NXPH2: variants seen among roughly 807,000 people sequenced by gnomAD.
The protein encoded by NXPH2 is neurexophilin 2.
Under a neutral mutation model 19.8 loss-of-function variants are expected in NXPH2, and 5 were observed. That is an observed-to-expected ratio of 0.25 (90% confidence interval 0.13 to 0.53). The LOEUF (loss-of-function observed/expected upper bound fraction) is 0.53, where lower values mean the gene tolerates loss of function less well. Ranked by LOEUF, NXPH2 falls within the 20% of genes least tolerant of loss-of-function variation. The pLI, the probability that NXPH2 is intolerant of heterozygous loss-of-function variation, is 0.96. For synonymous variants in NXPH2, 154 were observed against 127.4 expected, an observed-to-expected ratio of 1.21 and a Z score of -1.41; for missense variants, 289 against 322.8, an observed-to-expected ratio of 0.90 and a Z score of 0.80.
At chr2:138,747,954 G>T (rs972906845) in intron 1 of NXPH2, among the ~76,000 whole-genome samples, 1 of 152,132 alleles carries the variant, frequency 6.6e-6, no homozygotes, top group African/African-American at 2.4e-5. Flanking sequence ...GGCTGTCTTT[G>T]CTCTGATCAC....
intron 1 of NXPH2, among the ~76,000 whole-genome samples, chr2:138,750,292 T>C (rs1325470527): frequency 6.6e-6 from 1 of 152,174 alleles, no homozygotes; most frequent in Non-Finnish European, 1.5e-5. Context: ...TTAACATCTC[T>C]CATGAAGTAA....
At chr2:138,751,647 T>A (rs1681831701) in intron 1 of NXPH2, among the ~76,000 whole-genome samples, 1 of 152,144 alleles carries the variant, frequency 6.6e-6, no homozygotes, top group African/African-American at 2.4e-5. Flanking sequence ...AGGAGACATA[T>A]AATATAACCA....
chr2:138,757,753 A>T (rs1369613683), intron 1 of NXPH2, among the ~76,000 whole-genome samples: 1 of 150,842 alleles, frequency 6.6e-6, no homozygotes, highest in African/African-American at 2.4e-5. Context: ...TCACTCTCTT[A>T]TATATGTGTG....
At chr2:138,764,305 G>T (rs1208865632) in intron 1 of NXPH2, among the ~76,000 whole-genome samples, 2 of 152,126 alleles carry the variant, frequency 1.3e-5, no homozygotes, top group African/African-American at 4.8e-5. Flanking sequence ...TGATCCAGGG[G>T]TCTCCAAACC....
chr2:138,728,367 T>A (rs1681391263), intron 1 of NXPH2, among the ~76,000 whole-genome samples: 1 of 152,218 alleles, frequency 6.6e-6, no homozygotes, highest in African/African-American at 2.4e-5. Context: ...TTTAAGCCAC[T>A]TAATATGTGG....
chr2:138,680,999 G>A (rs1680572387), intron 1 of NXPH2, among the ~76,000 whole-genome samples: 2 of 152,170 alleles, frequency 1.3e-5, no homozygotes, highest in Admixed American at 1.3e-4. Flanking sequence ...GCAGCTACCA[G>A]CTACAGAGCT....
chr2:138,711,787 C>T (rs1681109357), intron 1 of NXPH2, among the ~76,000 whole-genome samples: 1 of 152,152 alleles, frequency 6.6e-6, no homozygotes, highest in South Asian at 2.1e-4. Context: ...ATGACATGGC[C>T]TTTGTGGTTC....
intron 1 of NXPH2, among the ~76,000 whole-genome samples, chr2:138,757,130 A>T (rs574281250): frequency 1.3e-5 from 2 of 152,246 alleles, no homozygotes; most frequent in African/African-American, 2.4e-5. Flanking sequence ...AGAGATTTCC[A>T]TTAATTTAAG....
chr2:138,738,628 CT>C (rs1469122872), intron 1 of NXPH2, among the ~76,000 whole-genome samples: 1 of 152,174 alleles, frequency 6.6e-6, no homozygotes, highest in Admixed American at 6.5e-5. Context: ...TCTATTCTCT[CT>C]TTTACAGTCT....
intron 1 of NXPH2, among the ~76,000 whole-genome samples, chr2:138,766,962 C>T (rs1414019803): frequency 6.6e-6 from 1 of 152,120 alleles, no homozygotes; most frequent in East Asian, 1.9e-4. Context: ...TAAGACTTTG[C>T]ATCTATTTCT....
rs1440808652 is a variant in NXPH2, at chr2:138,669,732, C to T, written c.*1190G>A. ...CTAATTTAATGATCATTCAGTTCTA[C>T]CATATAGGACTGCTATTCACCCCCA... On this transcript the variant is annotated 3_prime_UTR_variant, in exon 2 of 2. Transcript: ENST00000272641. Among the ~76,000 whole-genome samples the T allele has an allele frequency of 1.3e-5, 2 of 152,078 alleles. No individual in the cohort carries two copies. Among genetic ancestry groups the T allele is most frequent in the Admixed American group, 6.5e-5 (1 of 15,270 alleles).
intron 1 of NXPH2, among the ~76,000 whole-genome samples, chr2:138,761,013 T>A (rs1318193257): frequency 2.6e-5 from 4 of 152,176 alleles, no homozygotes; most frequent in Non-Finnish European, 5.9e-5. Context: ...TCTGCACGTA[T>A]ACTCCTCCAA....
chr2:138,688,392 G>C (rs1025726507), intron 1 of NXPH2, among the ~76,000 whole-genome samples: 17 of 152,104 alleles, frequency 1.1e-4, no homozygotes, highest in African/African-American at 4.1e-4. Context: ...GTGTTGCCCA[G>C]GCTGGTCTTG....
chr2:138,683,027 A>G (rs1326469768), intron 1 of NXPH2, among the ~76,000 whole-genome samples: 47 of 152,206 alleles, frequency 3.1e-4, no homozygotes. Context: ...TCTTTAACAA[A>G]TTATGAACGG....
In NXPH2 at chr2:138,757,767, G is replaced by A. The variant is rs184705022; in HGVS notation, c.51+22424C>T. Among the ~76,000 whole-genome samples, 175 of 151,112 alleles carry A rather than the reference G, an allele frequency of 1.2e-3. 1 individual carries two copies. The highest frequency in any genetic ancestry group is 3.7e-3 in the African/African-American group (154 of 41,366). ...CTCACTCTCTTATATATGTGTGTGT[G>A]TGCATGTGTGTATGTATGTGTATGT... On this transcript the variant is annotated intron_variant, in intron 1 of 1. Coordinates refer to ENST00000272641, the MANE Select transcript of NXPH2 (RefSeq NM_007226.3).
intron 1 of NXPH2, among the ~76,000 whole-genome samples, chr2:138,744,653 T>C (rs1681697606): frequency 6.6e-6 from 1 of 152,184 alleles, no homozygotes; most frequent in Admixed American, 6.5e-5. Context: ...TTCTTCCTTT[T>C]CTTGAGCCTC....
At chr2:138,743,029 C>A (rs1460527652) in intron 1 of NXPH2, among the ~76,000 whole-genome samples, 1 of 152,174 alleles carries the variant, frequency 6.6e-6, no homozygotes, top group Non-Finnish European at 1.5e-5. Flanking sequence ...ATATACAGGA[C>A]TATTCCCTCT....
chr2:138,679,520 A>C lies in NXPH2; in HGVS notation c.52-7855T>G, dbSNP rs527454080. On this transcript the variant is annotated intron_variant, in intron 1 of 1. Transcript: ENST00000272641. ...GGTTCACGCCATTCTCCTGCCTCAG[A>C]CTCCCGAGTAGCTGGGTTTACAGGC... 4.6e-5 allele frequency among the ~76,000 whole-genome samples: 7 copies of C among 150,948 alleles called. No individual in the cohort carries two copies. The South Asian group carries it at 1.5e-3, about 32-fold the overall frequency.
At chr2:138,685,821 A>G (rs1680642904) in intron 1 of NXPH2, among the ~76,000 whole-genome samples, 1 of 152,196 alleles carries the variant, frequency 6.6e-6, no homozygotes, top group African/African-American at 2.4e-5. Context: ...CTTAGGGCCA[A>G]GTGTCTCTCC....
Sources: allele counts gnomAD v4.1 joint callset (sites outside exome capture counted in the v4.1 genomes callset), GRCh38; gene constraint gnomAD v4.1.1; transcripts MANE v1.5; gene names NCBI Gene and HGNC (gene_info 2026-07-23, HGNC 2026-07-21).